CDH12: variants seen among roughly 807,000 people sequenced by gnomAD.
The protein encoded by CDH12 is cadherin-12.
A neutral mutation model predicts 74.1 loss-of-function variants in CDH12; 41 were observed. The observed-to-expected ratio is 0.55, with a 90% CI of 0.43 to 0.72. The LOEUF (loss-of-function observed/expected upper bound fraction) is 0.72, where lower values mean the gene tolerates loss of function less well. Ranked by LOEUF, CDH12 falls within the 30% of genes least tolerant of loss-of-function variation. CDH12 has a pLI of 0.00. For missense variants in CDH12, 945 were observed against 977.2 expected, an observed-to-expected ratio of 0.97 and a Z score of 0.44; for synonymous variants, 399 against 355.0, an observed-to-expected ratio of 1.12 and a Z score of -1.39.
chr5:21,949,920 G>A (rs189667872), intron 6 of CDH12, among the ~76,000 whole-genome samples: 330 of 152,236 alleles, frequency 2.2e-3, no homozygotes, highest in Non-Finnish European at 3.6e-3. Flanking sequence ...TATAAATTCA[G>A]TGTTTATAAA....
chr5:22,353,069 A>G (rs535342839), intron 3 of CDH12, among the ~76,000 whole-genome samples: 7 of 152,174 alleles, frequency 4.6e-5, no homozygotes, highest in African/African-American at 1.7e-4. Flanking sequence ...TTACCATGAC[A>G]CAATTTGTGA....
chr5:22,831,724 G>A (rs1736622898), intron 1 of CDH12, among the ~76,000 whole-genome samples: 1 of 151,754 alleles, frequency 6.6e-6, no homozygotes, highest in African/African-American at 2.4e-5. Context: ...GTGAAACCCC[G>A]TCTCGACTAA....
At chr5:21,942,349 C>CATATATATATATATAT (rs1561316398) in intron 6 of CDH12, among the ~76,000 whole-genome samples, 5 of 41,028 alleles carry the variant, frequency 1.2e-4, no homozygotes, top group African/African-American at 2.7e-4. Flanking sequence ...TATATATATA[C>CATATATATATATATAT]ACACACACAC....
At chr5:22,165,429 TG>T (rs1748622789) in intron 4 of CDH12, among the ~76,000 whole-genome samples, 1 of 152,138 alleles carries the variant, frequency 6.6e-6, no homozygotes, top group African/African-American at 2.4e-5. Flanking sequence ...TTTCAATGGA[TG>T]AATGTTTGAT....
intron 1 of CDH12, among the ~76,000 whole-genome samples, chr5:22,741,943 G>T (rs1366259607): frequency 3.3e-5 from 5 of 152,190 alleles, no homozygotes; most frequent in Non-Finnish European, 4.4e-5. Flanking sequence ...CACTTTGGGA[G>T]GCAGAGACAG....
intron 1 of CDH12, among the ~76,000 whole-genome samples, chr5:22,763,671 A>G (rs935796909): frequency 1.3e-5 from 2 of 151,930 alleles, no homozygotes; most frequent in East Asian, 3.9e-4. Flanking sequence ...AACCTTAAAG[A>G]TGGACTCATG....
At chr5:21,754,643 G>C (rs546117661) in intron 14 of CDH12, among the ~76,000 whole-genome samples, 3 of 152,068 alleles carry the variant, frequency 2.0e-5, no homozygotes, top group Non-Finnish European at 4.4e-5. Context: ...GCGTTACTCC[G>C]TGCCTTTCAT....
intron 1 of CDH12, among the ~76,000 whole-genome samples, chr5:22,586,482 T>A (rs1740407107): frequency 8.6e-6 from 1 of 115,664 alleles, no homozygotes; most frequent in Non-Finnish European, 1.8e-5. Flanking sequence ...GAACTTAAAG[T>A]ATAATAAAAT....
intron 6 of CDH12, among the ~76,000 whole-genome samples, chr5:21,888,974 G>A (rs6452021): frequency 0.96 from 145,881 of 152,102 alleles, 70,210 homozygotes; most frequent in Non-Finnish European, 1. Context: ...GAAATAAGCT[G>A]TCATGTTGCT....
At chr5:22,339,025 T>G (rs1453471382) in intron 3 of CDH12, among the ~76,000 whole-genome samples, 2 of 152,176 alleles carry the variant, frequency 1.3e-5, no homozygotes, top group African/African-American at 2.4e-5. Flanking sequence ...TAGAGTTCTA[T>G]AAAGAACAAA....
At chr5:22,277,647 A>G (rs891011983) in intron 3 of CDH12, among the ~76,000 whole-genome samples, 1 of 17,338 alleles carries the variant, frequency 5.8e-5, no homozygotes, top group Non-Finnish European at 1.5e-4. Flanking sequence ...AGCCTGACCA[A>G]CATGGAGAAA....
At chr5:22,793,557 A>AAG (rs1748031015) in intron 1 of CDH12, among the ~76,000 whole-genome samples, 1 of 152,182 alleles carries the variant, frequency 6.6e-6, no homozygotes, top group Non-Finnish European at 1.5e-5. Flanking sequence ...AACTTCTACA[A>AAG]TTATATGTCT....
chr5:22,703,851 C>T lies in CDH12; in HGVS notation c.-523+149207G>A, dbSNP rs116510053. ...CATCCTAAATGTCTCTACTGCCTTT[C>T]TTCACAAAGAAAATAAAGGCAATGA... is the stretch of plus-strand genomic sequence containing the variant. On this transcript the variant is annotated intron_variant, in intron 1 of 14. Transcript: ENST00000382254. Among the ~76,000 whole-genome samples, 1,143 of 152,208 alleles carry T rather than the reference C, an allele frequency of 7.5e-3. 10 individuals are homozygous for T. Among genetic ancestry groups the T allele is most frequent in the Middle Eastern group, 0.041 (12 of 294 alleles).
At chr5:22,337,985 T>C (rs974548513) in intron 3 of CDH12, among the ~76,000 whole-genome samples, 1 of 152,188 alleles carries the variant, frequency 6.6e-6, no homozygotes, top group Non-Finnish European at 1.5e-5. Flanking sequence ...TGTAAGTTAG[T>C]ACAACCACTC....
chr5:22,267,676 T>C (rs556455740), intron 3 of CDH12, among the ~76,000 whole-genome samples: 53 of 152,282 alleles, frequency 3.5e-4, no homozygotes, highest in African/African-American at 1.2e-3. Context: ...CTCTATTTAC[T>C]GCTCTAACTA....
At chr5:22,076,643 C>A (rs1173824048) in intron 5 of CDH12, among the ~76,000 whole-genome samples, 1 of 152,082 alleles carries the variant, frequency 6.6e-6, no homozygotes, top group Non-Finnish European at 1.5e-5. Context: ...TATAGGAGAA[C>A]CACATGAAAT....
intron 3 of CDH12, among the ~76,000 whole-genome samples, chr5:22,254,888 G>A (rs1208169599): frequency 1.3e-5 from 2 of 151,750 alleles, no homozygotes; most frequent in African/African-American, 4.8e-5. Context: ...TTTGTGTTAG[G>A]AACATTCCCA....
intron 1 of CDH12, among the ~76,000 whole-genome samples, chr5:22,533,397 TA>T (rs1332966752): frequency 6.6e-6 from 1 of 152,180 alleles, no homozygotes; most frequent in East Asian, 1.9e-4. Flanking sequence ...ATAACAAGTA[TA>T]AAAAAATTCT....
intron 10 of CDH12, among the ~76,000 whole-genome samples, chr5:21,795,588 C>T (rs1746735764): frequency 6.6e-6 from 1 of 151,892 alleles, no homozygotes; most frequent in Non-Finnish European, 1.5e-5. Context: ...ACATATGTAG[C>T]ACTAAATATG....
Sources: allele counts gnomAD v4.1 joint callset (sites outside exome capture counted in the v4.1 genomes callset), GRCh38; gene constraint gnomAD v4.1.1; transcripts MANE v1.5; gene names NCBI Gene and HGNC (gene_info 2026-07-23, HGNC 2026-07-21).